Variants in FAM120C observed in about 807,000 individuals in gnomAD.
FAM120C encodes constitutive coactivator of PPAR-gamma-like protein 2.
In FAM120C, 14 loss-of-function variants were observed where a neutral mutation model predicts 71.2. The ratio of observed to expected loss-of-function variants is 0.20; its 90% confidence interval spans 0.13 to 0.31. The LOEUF (loss-of-function observed/expected upper bound fraction) is 0.31. Among genes scored for constraint, FAM120C ranks in the 10% least tolerant of loss-of-function variants. The pLI, the probability that FAM120C is intolerant of heterozygous loss-of-function variation, is 1.00. For synonymous variants in FAM120C, 354 were observed against 353.2 expected (o/e 1.00, Z -0.03); for missense variants, 500 against 879.0 (o/e 0.57, Z 5.45).
At position 54,145,913 on chromosome X, in the gene FAM120C, T is replaced by C. The variant is rs183279260; in HGVS notation, c.1158+5332A>G. Among the ~76,000 whole-genome samples the C allele has an allele frequency of 8.0e-5, 9 of 112,188 alleles. No individual in the cohort carries two copies. The East Asian group carries it at 2.5e-3, about 31-fold the overall frequency. The stretch of plus-strand genomic sequence containing the variant: ...CAAAGACTTGGAACCAACCCAAATG[T>C]CCATCAATGACAGACTGGATTAAGA... On this transcript the variant is annotated intron_variant, in intron 4 of 15. Transcript: ENST00000375180.
chrX:54,134,416 T>C (rs1201931791), intron 7 of FAM120C, among the ~76,000 whole-genome samples: 2 of 112,313 alleles, frequency 1.8e-5, no homozygotes, highest in East Asian at 5.6e-4. Flanking sequence ...CTAGCACAAA[T>C]CCCACTGTTT....
At chrX:54,125,920 A>C (rs782737821) in intron 9 of FAM120C, among the ~76,000 whole-genome samples, 10 of 112,619 alleles carry the variant, frequency 8.9e-5, no homozygotes, top group East Asian at 5.6e-4. Flanking sequence ...CTTTCAGCAT[A>C]CAGATTTTCA....
intron 1 of FAM120C, among the ~76,000 whole-genome samples, chrX:54,175,291 C>T (rs1298749878): frequency 2.7e-5 from 3 of 111,336 alleles, no homozygotes; most frequent in Non-Finnish European, 5.6e-5. Context: ...AAATTAATTC[C>T]GTTGTTCATA....
intron 2 of FAM120C, among the ~76,000 whole-genome samples, chrX:54,158,756 G>A (rs1557134021): frequency 2.7e-5 from 3 of 111,412 alleles, no homozygotes; most frequent in Admixed American, 9.6e-5. Context: ...GCGACACAGC[G>A]AGACTCTGTC....
Position 54,183,145 on chromosome X carries a change from C to T in FAM120C, c.54G>A (p.Val18=), listed in dbSNP as rs782542614. ...CGAGTTTTAGGAGGTCCACGGGCAC[C>T]ACGGCCCCGGGACAGCGCTTCTCCA... ...EFLEKRCPGA[V]VPVDLLKLAR... Residue 18 remains valine, a synonymous_variant, in exon 1 of 16, where the codon GTG becomes GTA. Transcript: ENST00000375180. The T allele has an allele frequency of 6.3e-5, 72 of 1,150,786 alleles. No individual in the cohort carries two copies. The African/African-American group carries it at 1.1e-3, about 18-fold the overall frequency. 94.8% of individuals were successfully genotyped at this position (1,150,786 alleles called of 1,213,427 possible).
chrX:54,135,682 C>T, intron 5 of FAM120C, 78 bp from the exon 6 acceptor site: 1 of 770,234 alleles, frequency 1.3e-6, no homozygotes, highest in Non-Finnish European at 1.9e-6. Flanking sequence ...CCCCATATCA[C>T]CTGAAAAAGT....
At chrX:54,153,052 C>T (rs1265435473) in intron 3 of FAM120C, among the ~76,000 whole-genome samples, 1 of 111,273 alleles carries the variant, frequency 9.0e-6, no homozygotes, top group Admixed American at 9.7e-5. Flanking sequence ...AAAAATTAAC[C>T]GGGCTTGTAC....
chrX:54,087,490 C>T (rs782363777), intron 12 of FAM120C, among the ~76,000 whole-genome samples: 1 of 110,425 alleles, frequency 9.1e-6, no homozygotes, highest in South Asian at 3.9e-4. Context: ...TCTGAATATT[C>T]CATGGATAAG....
chrX:54,093,583 G>A (rs372697745), intron 10 of FAM120C, among the ~76,000 whole-genome samples: 15 of 112,023 alleles, frequency 1.3e-4, no homozygotes, highest in South Asian at 1.1e-3. Flanking sequence ...GAACAAATAA[G>A]TCAATGTCAG....
intron 15 of FAM120C, 86 bp downstream of exon 15, chrX:54,080,146 C>A: frequency 1.3e-6 from 1 of 782,577 alleles, no homozygotes; most frequent in Non-Finnish European, 1.9e-6. Flanking sequence ...GCTCAGGTTT[C>A]CATGCCTGAT....
intron 3 of FAM120C, among the ~76,000 whole-genome samples, chrX:54,154,035 TG>T (rs1222466433): frequency 9.4e-6 from 1 of 105,878 alleles, no homozygotes; most frequent in African/African-American, 3.4e-5. Context: ...AGGATCTCAG[TG>T]GTTTTTTTTT....
intron 1 of FAM120C, among the ~76,000 whole-genome samples, chrX:54,175,300 T>C (rs1362074304): frequency 9.0e-6 from 1 of 111,330 alleles, no homozygotes; most frequent in Non-Finnish European, 1.9e-5. Context: ...CCGTTGTTCA[T>C]AGTACTTAGC....
Position 54,068,420 on chromosome X carries a change from C to CA in FAM120C, c.*4612dup, listed in dbSNP as rs1557119747. 8.9e-6 allele frequency: 1 copy of CA among 111,754 alleles called. No homozygotes were observed. The highest frequency in any genetic ancestry group is 3.2e-5 in the African/African-American group (1 of 30,786). 9.2% of individuals were successfully genotyped at this position (111,754 alleles called of 1,213,427 possible). ...AACAGAACAACAGACCAATTTCCAT[C>CA]ACAGAACAACTCCTGAGGCATTCTC... On this transcript the variant is annotated 3_prime_UTR_variant, in exon 16 of 16. Coordinates refer to ENST00000375180, the MANE Select transcript of FAM120C (RefSeq NM_017848.6).
chrX:54,145,270 A>G (rs1411151722), intron 4 of FAM120C, among the ~76,000 whole-genome samples: 1 of 112,127 alleles, frequency 8.9e-6, no homozygotes, highest in Non-Finnish European at 1.9e-5. Context: ...GGACTTCATG[A>G]CTAAAACACC....
At chrX:54,117,157 A>G (rs2066972098) in intron 9 of FAM120C, among the ~76,000 whole-genome samples, 1 of 106,156 alleles carries the variant, frequency 9.4e-6, no homozygotes, top group Non-Finnish European at 1.9e-5. Flanking sequence ...CCAGGAGTAC[A>G]AGACCAGCCC....
intron 4 of FAM120C, chrX:54,147,336 T>TA (rs1246176954): frequency 1.8e-5 from 2 of 110,151 alleles, no homozygotes; most frequent in Non-Finnish European, 3.8e-5. Flanking sequence ...AATAAATAAA[T>TA]AAATAAGAAA....
intron 10 of FAM120C, among the ~76,000 whole-genome samples, chrX:54,095,876 G>A (rs1352708579): frequency 1.9e-5 from 2 of 106,589 alleles, no homozygotes; most frequent in African/African-American, 3.4e-5. Context: ...GACTGGTCTC[G>A]ATCTCCTGAC....
rs781990985 is a variant in FAM120C at position 54,128,520 on chromosome X, A to AG, written c.2062+4171dup. ...GATCATTCTTGGGTGTTTCTCGCAG[A>AG]GGGGGATTTGGCAGGGTCATAGGAC... On this transcript the variant is annotated intron_variant, in intron 9 of 15. Transcript: ENST00000375180. Among the ~76,000 whole-genome samples the AG allele has an allele frequency of 6.7e-5, 7 of 104,175 alleles. No individual in the cohort carries two copies. In the East Asian group the frequency reaches 2.1e-3, roughly 31 times the overall value. 90.5% of individuals were successfully genotyped at this position (104,175 alleles called of 115,157 possible). A position where few individuals can be genotyped will look rare whatever the true frequency, so the allele number is the denominator to read the frequency against.
At chrX:54,125,473 T>G (rs950361073) in intron 9 of FAM120C, among the ~76,000 whole-genome samples, 1 of 110,977 alleles carries the variant, frequency 9.0e-6, no homozygotes, top group Admixed American at 9.6e-5. Context: ...CTATATATAT[T>G]TTTTGTATTT....
Sources: allele counts gnomAD v4.1 joint callset (sites outside exome capture counted in the v4.1 genomes callset), GRCh38; gene constraint gnomAD v4.1.1; transcripts MANE v1.5; gene names NCBI Gene and HGNC (gene_info 2026-07-23, HGNC 2026-07-21).